MAN1A1: variants seen among roughly 807,000 people sequenced by gnomAD.
MAN1A1 encodes mannosidase alpha class 1A member 1, also known as mannosyl-oligosaccharide 1,2-alpha-mannosidase IA.
MAN1A1 carries 29 observed loss-of-function variants against 70.8 expected under a neutral mutation model. The observed-to-expected ratio is 0.41, with a 90% CI of 0.31 to 0.56. The LOEUF is 0.56. MAN1A1 is among the 20% of genes least tolerant of loss of function. MAN1A1 has a pLI of 0.29. For missense variants in MAN1A1, 747 were observed against 841.3 expected (o/e 0.89, Z 1.39); for synonymous variants, 349 against 330.1 (o/e 1.06, Z -0.62).
intron 5 of MAN1A1, among the ~76,000 whole-genome samples, chr6:119,278,938 C>T (rs886349609): frequency 2.6e-5 from 4 of 151,886 alleles, no homozygotes; most frequent in African/African-American, 9.7e-5. Context: ...CTTGCTTATA[C>T]AGACTGCAGA....
intron 6 of MAN1A1, among the ~76,000 whole-genome samples, chr6:119,216,723 A>G (rs1302399982): frequency 2.6e-5 from 4 of 152,218 alleles, no homozygotes; most frequent in Non-Finnish European, 5.9e-5. Flanking sequence ...AAGTATAACA[A>G]TAACATACAT....
intron 11 of MAN1A1, among the ~76,000 whole-genome samples, chr6:119,185,303 A>G (rs925627246): frequency 6.6e-6 from 1 of 152,226 alleles, no homozygotes; most frequent in Non-Finnish European, 1.5e-5. Context: ...AACCCACAAA[A>G]GAACTCTCTA....
chr6:119,213,580 T>C (rs1774110512), intron 6 of MAN1A1, among the ~76,000 whole-genome samples: 1 of 152,202 alleles, frequency 6.6e-6, no homozygotes, highest in Non-Finnish European at 1.5e-5. Flanking sequence ...ATAGTCAGCG[T>C]TAAAGGACAA....
chr6:119,268,690 G>A (rs1476073736), intron 5 of MAN1A1, among the ~76,000 whole-genome samples: 1 of 151,974 alleles, frequency 6.6e-6, no homozygotes, highest in East Asian at 1.9e-4. Flanking sequence ...GGGCTTAGGT[G>A]ACCTTCCCAC....
intron 6 of MAN1A1, among the ~76,000 whole-genome samples, chr6:119,237,190 AG>A (rs1425956639): frequency 6.6e-6 from 1 of 152,226 alleles, no homozygotes; most frequent in Non-Finnish European, 1.5e-5. Flanking sequence ...ATGACAACAA[AG>A]GATTAAGAAT....
At chr6:119,349,799 G>T (rs559382583), upstream of MAN1A1, 2 of 970,636 alleles carry the variant, frequency 2.1e-6, no homozygotes, top group African/African-American at 1.8e-5. Flanking sequence ...GAAAGCGAGG[G>T]AGGCGACGCG....
At chr6:119,210,818 A>G in intron 6 of MAN1A1, 1 of 434,552 alleles carries the variant, frequency 2.3e-6, no homozygotes, top group Non-Finnish European at 4.6e-6. Flanking sequence ...GGGAATGTGT[A>G]TTAGAGACAT....
At chr6:119,190,589 C>T (rs1434851422) in intron 9 of MAN1A1, among the ~76,000 whole-genome samples, 1 of 152,186 alleles carries the variant, frequency 6.6e-6, no homozygotes, top group Non-Finnish European at 1.5e-5. Context: ...TTATCATTTA[C>T]ATCTCCAAAG....
At position 119,204,792 on chromosome 6, in the gene MAN1A1, G is replaced by A. The variant is rs1276376741; in HGVS notation, c.1083C>T (p.Ser361=). ...GTLHLEFMHL[S]HLSGNPIFAE... Reference sequence around the variant, plus strand: ...CAAAGATGGGGTTTCCTGATAAGTGGCTCAAGTGCATAAACTCCAAATGCA... The same window carrying A: ...CAAAGATGGGGTTTCCTGATAAGTGACTCAAGTGCATAAACTCCAAATGCA... The change falls in exon 7 of 13, where the codon AGC becomes AGT. Residue 361 remains serine, a synonymous_variant. Coordinates refer to ENST00000368468, the MANE Select transcript of MAN1A1 (RefSeq NM_005907.4). The A allele has an allele frequency of 6.2e-7, 1 of 1,613,934 alleles. No individual in the cohort carries two copies. The highest frequency in any genetic ancestry group is 8.5e-7 in the Non-Finnish European group (1 of 1,179,866).
chr6:119,182,099 T>C (rs1773167197), intron 11 of MAN1A1, among the ~76,000 whole-genome samples: 2 of 150,366 alleles, frequency 1.3e-5, no homozygotes, highest in Admixed American at 6.7e-5. Flanking sequence ...GATATCTCAC[T>C]GTGGTTCTAA....
chr6:119,328,793 C>T (rs184589158), intron 2 of MAN1A1, among the ~76,000 whole-genome samples: 11 of 152,296 alleles, frequency 7.2e-5, no homozygotes, highest in Admixed American at 3.9e-4. Context: ...AAACGGTTAC[C>T]ATCTCAGGGA....
chr6:119,321,317 A>C (rs963246514), intron 2 of MAN1A1, among the ~76,000 whole-genome samples: 3 of 152,218 alleles, frequency 2.0e-5, no homozygotes, highest in African/African-American at 7.2e-5. Context: ...ACAGAGAAGT[A>C]TGACCTTCTA....
At chr6:119,187,873 A>C (rs1213869814) in intron 11 of MAN1A1, among the ~76,000 whole-genome samples, 1 of 152,240 alleles carries the variant, frequency 6.6e-6, no homozygotes, top group Non-Finnish European at 1.5e-5. Context: ...AGACAAAACA[A>C]CACACTGGGC....
chr6:119,348,787 G>C lies in MAN1A1; in HGVS notation c.279C>G (p.Arg93=). The change falls in exon 2 of 13, where the codon CGC becomes CGG. Residue 93 remains arginine, a synonymous_variant. Coordinates refer to ENST00000368468, the MANE Select transcript of MAN1A1 (RefSeq NM_005907.4). ...AADHKPGPGA[R]AEDAAEGRAR... is the part of the protein sequence containing the mutation. Reference sequence around the variant, plus strand: ...CTCGCCCCTCGGCCGCGTCCTCGGCGCGCGCCCCGGGCCCGGGCTTGTGGT... The same window carrying C: ...CTCGCCCCTCGGCCGCGTCCTCGGCCCGCGCCCCGGGCCCGGGCTTGTGGT... 1 of 1,410,686 alleles carries C rather than the reference G, an allele frequency of 7.1e-7. No homozygotes were observed. Among genetic ancestry groups the C allele is most frequent in the Non-Finnish European group, 9.2e-7 (1 of 1,081,922 alleles). 87.4% of individuals were successfully genotyped at this position (1,410,686 alleles called of 1,614,324 possible).
chr6:119,348,405 C>T (rs1773794654), intron 2 of MAN1A1, 58 bp downstream of exon 2: 1 of 1,458,970 alleles, frequency 6.9e-7, no homozygotes, highest in African/African-American at 1.4e-5. Flanking sequence ...CAAAGGCTTG[C>T]CGTTTCTCCC....
At chr6:119,238,929 C>T (rs766030445) in intron 6 of MAN1A1, among the ~76,000 whole-genome samples, 15 of 152,074 alleles carry the variant, frequency 9.9e-5, no homozygotes, top group Middle Eastern at 6.8e-3. Context: ...GTTGTTCTGT[C>T]GCCCAGGCTG....
intron 4 of MAN1A1, among the ~76,000 whole-genome samples, chr6:119,291,527 A>ATT (rs57534741): frequency 2.7e-5 from 4 of 150,398 alleles, no homozygotes; most frequent in African/African-American, 4.9e-5. Flanking sequence ...GGGCCAGGGC[A>ATT]TTTTTTTTTT....
intron 4 of MAN1A1, 34 bp from the exon 5 acceptor site, chr6:119,290,797 T>G (rs1312956155): frequency 7.6e-7 from 1 of 1,317,822 alleles, no homozygotes; most frequent in African/African-American, 1.5e-5. Flanking sequence ...ATGATGATAG[T>G]ACACAATTCA....
At chr6:119,265,362 G>A (rs1294612315) in intron 5 of MAN1A1, among the ~76,000 whole-genome samples, 2 of 152,038 alleles carry the variant, frequency 1.3e-5, no homozygotes, top group African/African-American at 4.8e-5. Context: ...GCCTCCAAAA[G>A]TTCTGGGATC....
Sources: allele counts gnomAD v4.1 joint callset (sites outside exome capture counted in the v4.1 genomes callset), GRCh38; gene constraint gnomAD v4.1.1; transcripts MANE v1.5; gene names NCBI Gene and HGNC (gene_info 2026-07-23, HGNC 2026-07-21).